Variants in IFT88 observed in about 807,000 individuals in gnomAD.
IFT88 encodes the protein intraflagellar transport protein 88 homolog.
In IFT88, 74 loss-of-function variants were observed where a neutral mutation model predicts 119.5. The observed-to-expected ratio is 0.62, with a 90% CI of 0.51 to 0.75. The LOEUF is 0.75. IFT88 is among the 30% of genes least tolerant of loss of function. IFT88 has a pLI of 0.00. For missense variants in IFT88, 961 were observed against 977.7 expected (o/e 0.98, Z 0.23); for synonymous variants, 279 against 316.7 (o/e 0.88, Z 1.26).
chr13:20,606,289 T>G (rs1376352196), intron 13 of IFT88, among the ~76,000 whole-genome samples: 1 of 152,138 alleles, frequency 6.6e-6, no homozygotes, highest in African/African-American at 2.4e-5. Flanking sequence ...GGAGGCTTAG[T>G]GGAGCGTCAG....
At chr13:20,674,712 A>G (rs1174470858) in intron 24 of IFT88, among the ~76,000 whole-genome samples, 3 of 36,318 alleles carry the variant, frequency 8.3e-5, no homozygotes, top group African/African-American at 2.8e-4. Context: ...TTATATATAT[A>G]TATATATATA....
intron 24 of IFT88, among the ~76,000 whole-genome samples, chr13:20,676,975 C>T (rs2056752952): frequency 1.3e-5 from 2 of 152,118 alleles, no homozygotes; most frequent in South Asian, 4.1e-4. Flanking sequence ...CCCTCTTTCC[C>T]TTCCTACCTT....
intron 20 of IFT88, among the ~76,000 whole-genome samples, chr13:20,649,897 T>G (rs1162699603): frequency 6.6e-6 from 1 of 152,084 alleles, no homozygotes; most frequent in Non-Finnish European, 1.5e-5. Flanking sequence ...ATGGTCAAAT[T>G]TGTAGAAACA....
At chr13:20,669,207 GAGA>G (rs1566430257) in intron 23 of IFT88, among the ~76,000 whole-genome samples, 2 of 152,166 alleles carry the variant, frequency 1.3e-5, no homozygotes, top group Non-Finnish European at 2.9e-5. Context: ...AGTTTAAAAA[GAGA>G]AGAGTGATGA....
At chr13:20,592,200 C>A in intron 6 of IFT88, 135 bp from the exon 7 acceptor site, 1 of 677,260 alleles carries the variant, frequency 1.5e-6, no homozygotes, top group Non-Finnish European at 2.5e-6. Flanking sequence ...ATGTTATCTC[C>A]ATTTAATAAA....
At chr13:20,593,010 C>T (rs1232255852) in intron 7 of IFT88, among the ~76,000 whole-genome samples, 1 of 152,018 alleles carries the variant, frequency 6.6e-6, no homozygotes, top group Non-Finnish European at 1.5e-5. Flanking sequence ...TATTGAGTCT[C>T]CTGACAGCCA....
intron 1 of IFT88, among the ~76,000 whole-genome samples, chr13:20,569,627 T>C (rs1055238321): frequency 1.3e-5 from 2 of 151,860 alleles, no homozygotes; most frequent in Non-Finnish European, 2.9e-5. Flanking sequence ...GTACAAAGAA[T>C]GTAAAATGAT....
At chr13:20,656,948 T>G (rs2140642546) in intron 22 of IFT88, among the ~76,000 whole-genome samples, 1 of 152,264 alleles carries the variant, frequency 6.6e-6, no homozygotes, top group South Asian at 2.1e-4. Context: ...AACCTCCACC[T>G]CCTGAGTTCA....
chr13:20,648,804 G>T (rs1227295961), intron 20 of IFT88, among the ~76,000 whole-genome samples: 1 of 152,140 alleles, frequency 6.6e-6, no homozygotes, highest in Non-Finnish European at 1.5e-5. Context: ...GGACACAAAA[G>T]AGGTTGAAAG....
chr13:20,674,724 ATTT>A (rs35617736), intron 24 of IFT88, among the ~76,000 whole-genome samples: 85 of 73,794 alleles, frequency 1.2e-3, no homozygotes, highest in Middle Eastern at 0.01. Context: ...ATATATATAT[ATTT>A]TTTTTTTTTT....
chr13:20,662,032 A>C (rs1012807806), intron 22 of IFT88, among the ~76,000 whole-genome samples: 5 of 152,194 alleles, frequency 3.3e-5, no homozygotes, highest in Non-Finnish European at 7.3e-5. Context: ...GGCAGAATGC[A>C]ATGATGTTGT....
At chr13:20,636,465 A>G (rs1286611551) in intron 16 of IFT88, among the ~76,000 whole-genome samples, 2 of 152,292 alleles carry the variant, frequency 1.3e-5, no homozygotes, top group African/African-American at 4.8e-5. Flanking sequence ...CCTATACCTG[A>G]TCAATCATAC....
chr13:20,610,943 A>C (rs1344377144), intron 13 of IFT88, among the ~76,000 whole-genome samples: 1 of 151,988 alleles, frequency 6.6e-6, no homozygotes, highest in Non-Finnish European at 1.5e-5. Context: ...GTTTGAGACC[A>C]GCCTGGGCAA....
At chr13:20,568,922 G>T (rs1009052055) in intron 1 of IFT88, among the ~76,000 whole-genome samples, 1 of 151,840 alleles carries the variant, frequency 6.6e-6, no homozygotes, top group Non-Finnish European at 1.5e-5. Context: ...GGGTTTCACC[G>T]TGTTAGCCAG....
chr13:20,596,514 A>G (rs1300742701), intron 8 of IFT88, among the ~76,000 whole-genome samples: 2 of 152,158 alleles, frequency 1.3e-5, no homozygotes, highest in African/African-American at 4.8e-5. Context: ...CTGGTGGACT[A>G]TTGGATTAGA....
intron 24 of IFT88, among the ~76,000 whole-genome samples, chr13:20,688,328 C>G (rs1227646718): frequency 6.6e-6 from 1 of 152,190 alleles, no homozygotes; most frequent in African/African-American, 2.4e-5. Context: ...GCTTGGGCAA[C>G]AAGAGCGAAA....
chr13:20,663,805 C>T (rs2140857569), intron 23 of IFT88, among the ~76,000 whole-genome samples: 1 of 152,220 alleles, frequency 6.6e-6, no homozygotes, highest in African/African-American at 2.4e-5. Flanking sequence ...AGAGGAAGTG[C>T]AATAGATTTC....
intron 1 of IFT88, among the ~76,000 whole-genome samples, chr13:20,570,182 A>G (rs914460295): frequency 2.6e-5 from 4 of 152,258 alleles, no homozygotes; most frequent in Non-Finnish European, 5.9e-5. Context: ...ATACCATTTC[A>G]TACTCACTAG....
intron 22 of IFT88, among the ~76,000 whole-genome samples, chr13:20,656,806 A>G (rs938757288): frequency 1.3e-5 from 2 of 152,234 alleles, no homozygotes; most frequent in African/African-American, 4.8e-5. Context: ...AAAGGTTGAG[A>G]AAATAATTTT....
Sources: gnomAD v4.1 joint callset for allele counts (sites outside exome capture counted in the v4.1 genomes callset) on GRCh38, gnomAD v4.1.1 for gene constraint, MANE v1.5 for transcripts, NCBI Gene and HGNC (gene_info 2026-07-23, HGNC 2026-07-21) for gene names.